The following AZIN2 variants were observed in gnomAD, a reference collection of about 807,000 sequenced individuals.
The protein encoded by AZIN2 is ODC antizyme inhibitor-2.
AZIN2 carries 28 observed loss-of-function variants against 47.8 expected under a neutral mutation model. That is an observed-to-expected ratio of 0.59 (90% CI 0.43 to 0.80). The LOEUF is 0.80. Among genes scored for constraint, AZIN2 ranks in the 30% least tolerant of loss-of-function variants. The pLI is 0.00. For missense variants in AZIN2, 535 were observed against 582.5 expected, an observed-to-expected ratio of 0.92 and a Z score of 0.84; for synonymous variants, 221 against 239.4, an observed-to-expected ratio of 0.92 and a Z score of 0.71.
the AZIN2 span, chr1:33,159,771 C>A: frequency 1.2e-6 from 2 of 1,613,766 alleles, no homozygotes; most frequent in Non-Finnish European, 1.7e-6. This position sits in a 1 kb window ranked among gnomAD's most constrained non-coding sequence, Gnocchi z 4.2. Context: ...GGGCTCCCTC[C>A]TGGACCTTGC....
Position 33,123,321 on chromosome 1 carries a change from T to C in AZIN2, c.*3139T>C, listed in dbSNP as rs184159645. On this transcript the variant is annotated 3_prime_UTR_variant, in exon 12 of 12. Transcript: ENST00000294517. ...ATGTGTTCCATAACACAAGGGCAAC[T>C]GTCAGCCCTTCTAGAATGTGAGCTC... 1.2e-4 allele frequency among the ~76,000 whole-genome samples: 18 copies of C among 152,370 alleles called. No individual in the cohort carries two copies. The highest frequency in any genetic ancestry group is 1.2e-3 in the Admixed American group (18 of 15,308).
chr1:33,158,829 GTTTTTTTCT>G, the AZIN2 span, among the ~76,000 whole-genome samples: 10 of 151,554 alleles, frequency 6.6e-5, no homozygotes, highest in Admixed American at 2.0e-4. Context: ...CAGAGCCTCA[GTTTTTTTCT>G]TTTTTTTCTT....
At chr1:33,150,660 C>A in the AZIN2 span, among the ~76,000 whole-genome samples, 1 of 152,180 alleles carries the variant, frequency 6.6e-6, no homozygotes, top group African/African-American at 2.4e-5. Context: ...TCTGACTGGC[C>A]ACAGGCAGCT....
At chr1:33,083,908 T>C (rs762659145) in intron 4 of AZIN2, 46 bp from the exon 5 acceptor site, 5 of 1,608,816 alleles carry the variant, frequency 3.1e-6, no homozygotes, top group Middle Eastern at 1.7e-4. Flanking sequence ...ATGCACAGGG[T>C]GCGAGCTGGA....
At chr1:33,099,959 A>T (rs1410003326) in intron 10 of AZIN2, among the ~76,000 whole-genome samples, 1 of 152,102 alleles carries the variant, frequency 6.6e-6, no homozygotes, top group African/African-American at 2.4e-5. Flanking sequence ...TACAAGTATT[A>T]GTTTTGGCAT....
the AZIN2 span, among the ~76,000 whole-genome samples, chr1:33,156,755 C>G: frequency 6.6e-6 from 1 of 152,224 alleles, no homozygotes; most frequent in Non-Finnish European, 1.5e-5. Flanking sequence ...AGCATCAGTG[C>G]TGAGATAACT....
chr1:33,166,271 T>C, the AZIN2 span: 1 of 152,194 alleles, frequency 6.6e-6, no homozygotes, highest in Non-Finnish European at 1.5e-5. Context: ...AATGAAATAA[T>C]AATAGAAATA....
chr1:33,159,699 T>C, the AZIN2 span: 23 of 1,608,008 alleles, frequency 1.4e-5, no homozygotes, highest in South Asian at 2.1e-4. This position sits in a 1 kb window ranked among gnomAD's most constrained non-coding sequence, Gnocchi z 4.2. Flanking sequence ...GCTCGGACAG[T>C]GAGGCCACCC....
Position 33,093,422 on chromosome 1 carries a change from C to A in AZIN2, c.587+6C>A. 6.2e-7 allele frequency: 1 copy of A among 1,612,280 alleles called. No homozygotes were observed. The highest frequency in any genetic ancestry group is 8.5e-7 in the Non-Finnish European group (1 of 1,178,944). On this transcript the variant is annotated splice_donor_region_variant and intron_variant, in intron 7 of 11. Transcript: ENST00000294517. ...GTGGAGGTGGTGGGTGTGAGGTGAG[C>A]ACTGGGAACCCCTGCCATCCCCTCC... is the stretch of plus-strand genomic sequence containing the variant.
rs976345395 is a variant in AZIN2 at position 33,121,593 on chromosome 1, T to G, written c.*1411T>G. Among the ~76,000 whole-genome samples, 1 of 152,092 alleles carries G rather than the reference T, an allele frequency of 6.6e-6. No homozygotes were observed. The highest frequency in any genetic ancestry group is 1.5e-5 in the Non-Finnish European group (1 of 67,992). Reference sequence around the variant, plus strand: ...ACCCTGCCTCAAATAAAGAAATAAATAAATAAAGTGGAGAAGTTAGTGGTT... The same window carrying G: ...ACCCTGCCTCAAATAAAGAAATAAAGAAATAAAGTGGAGAAGTTAGTGGTT... On this transcript the variant is annotated 3_prime_UTR_variant, in exon 12 of 12. Coordinates refer to ENST00000294517, the MANE Select transcript of AZIN2 (RefSeq NM_052998.4).
At chr1:33,101,880 C>A (rs1643730102) in intron 10 of AZIN2, 1 of 779,376 alleles carries the variant, frequency 1.3e-6, no homozygotes, top group African/African-American at 1.7e-5. Context: ...CCATTCATTT[C>A]ATTGCCGTGT....
rs1479635876 is a variant in AZIN2 at position 33,121,906 on chromosome 1, T to C, written c.*1724T>C. On this transcript the variant is annotated 3_prime_UTR_variant, in exon 12 of 12. Transcript: ENST00000294517. ...GAGGCAATGTGGCATGGGTTTGGAG[T>C]GAACGAGGTGCTTTCTCAAAGCCAG... Among the ~76,000 whole-genome samples, 1 of 152,064 alleles carries C rather than the reference T, an allele frequency of 6.6e-6. No homozygotes were observed. Among genetic ancestry groups the C allele is most frequent in the African/African-American group, 2.4e-5 (1 of 41,368 alleles).
rs1644629220 is a variant in AZIN2 at position 33,117,921 on chromosome 1, C to T, written c.1049C>T (p.Pro350Leu). The T allele has an allele frequency of 6.2e-7, 1 of 1,614,050 alleles. No homozygotes were observed. The highest frequency in any genetic ancestry group is 1.3e-5 in the African/African-American group (1 of 74,918). The change falls in exon 11 of 12, where the codon CCC becomes CTC. Residue 350 changes from proline to leucine, a missense_variant. Transcript: ENST00000294517. ...ILQKKPSTEQ[P>L]LYSSSLWGPA... ...CTACAGAAACCATCCACGGAGCAGCCCCTGTACAGCAGCAGCCTGTGGGGC... is the reference window on the plus strand; with the variant it reads ...CTACAGAAACCATCCACGGAGCAGCTCCTGTACAGCAGCAGCCTGTGGGGC...
At chr1:33,142,581 G>A in the AZIN2 span, 1 of 152,240 alleles carries the variant, frequency 6.6e-6, no homozygotes, top group African/African-American at 2.4e-5. Context: ...GACTTGCTCA[G>A]GGTCACATGG....
intron 10 of AZIN2, among the ~76,000 whole-genome samples, chr1:33,107,401 G>A (rs1194041649): frequency 1.3e-5 from 2 of 152,072 alleles, no homozygotes; most frequent in Non-Finnish European, 2.9e-5. Context: ...ACAATATGGT[G>A]AAGCCCTGTC....
At chr1:33,088,827 T>G (rs865870817) in intron 5 of AZIN2, among the ~76,000 whole-genome samples, 1 of 152,234 alleles carries the variant, frequency 6.6e-6, no homozygotes, top group Admixed American at 6.5e-5. Flanking sequence ...AGTTGTCCTT[T>G]GCCTCTCACA....
intron 10 of AZIN2, among the ~76,000 whole-genome samples, chr1:33,098,851 C>T (rs1041056862): frequency 3.3e-5 from 5 of 151,248 alleles, no homozygotes; most frequent in African/African-American, 9.7e-5. Context: ...GCAACCTCCA[C>T]CTCCTGAGTT....
rs551940575 is a variant in AZIN2, at chr1:33,106,077, G to A, written c.1029+7898G>A. Among the ~76,000 whole-genome samples the A allele has an allele frequency of 3.3e-5, 5 of 152,248 alleles. No homozygotes were observed. In the South Asian group the frequency reaches 1.0e-3, roughly 32 times the overall value. On this transcript the variant is annotated intron_variant, in intron 10 of 11. Coordinates refer to ENST00000294517, the MANE Select transcript of AZIN2 (RefSeq NM_052998.4). Reference sequence around the variant, plus strand: ...AATAAATAAAATTATAAATGAAAGAGGAGACATTACAGGATACCACAGAAA... The same window carrying A: ...AATAAATAAAATTATAAATGAAAGAAGAGACATTACAGGATACCACAGAAA...
chr1:33,130,971 T>C, the AZIN2 span, among the ~76,000 whole-genome samples: 2 of 152,080 alleles, frequency 1.3e-5, no homozygotes, highest in African/African-American at 2.4e-5. Context: ...ATGCCAGTGT[T>C]TGGTAATGTG....
Sources: gnomAD v4.1 joint callset for allele counts (sites outside exome capture counted in the v4.1 genomes callset) on GRCh38, gnomAD v4.1.1 for gene constraint, Gnocchi (gnomAD v3.1) non-coding constraint, MANE v1.5 for transcripts, NCBI Gene and HGNC (gene_info 2026-07-23, HGNC 2026-07-21) for gene names.